Variants in AFF3 observed in about 807,000 individuals in gnomAD.
AFF3 encodes ALF transcription elongation factor 3.
A neutral mutation model predicts 129.7 loss-of-function variants in AFF3; 32 were observed. That is an observed-to-expected ratio of 0.25 (90% CI 0.19 to 0.33). The LOEUF (loss-of-function observed/expected upper bound fraction) is 0.33. AFF3 is among the 10% of genes least tolerant of loss of function. The pLI is 1.00. For missense variants in AFF3, 1,373 were observed against 1,592.0 expected, an observed-to-expected ratio of 0.86 and a Z score of 2.34; for synonymous variants, 644 against 635.4, an observed-to-expected ratio of 1.01 and a Z score of -0.20.
Position 100,006,634 on chromosome 2 carries a change from C to G in AFF3, c.871G>C (p.Glu291Gln), listed in dbSNP as rs1461370471. The G allele has an allele frequency of 6.2e-7, 1 of 1,604,454 alleles. No homozygotes were observed. The highest frequency in any genetic ancestry group is 1.7e-5 in the Admixed American group (1 of 59,826). Residue 291 changes from glutamate to glutamine, a missense_variant and splice_region_variant, in exon 7 of 25, where the codon GAG becomes CAG. Glu to Gln is a conservative substitution (Grantham distance 29). Coordinates refer to ENST00000672756, the MANE Select transcript of AFF3 (RefSeq NM_001386135.1). ...LSKFSIPKQG[E>Q]ESRSGETNSC... is the part of the protein sequence containing the mutation. Reference sequence around the variant, plus strand: ...GAACGGTGCTGATAAAGACTCACCTCCCCCTGCTTGGGGATGCTGAACTTG... The same window carrying G: ...GAACGGTGCTGATAAAGACTCACCTGCCCCTGCTTGGGGATGCTGAACTTG...
chr2:99,837,891 G>A (rs1032995929), intron 7 of AFF3, among the ~76,000 whole-genome samples: 2 of 152,174 alleles, frequency 1.3e-5, no homozygotes, highest in Non-Finnish European at 2.9e-5. Flanking sequence ...CTACAACAGT[G>A]GATCCAATTT....
At chr2:100,136,203 G>A (rs1251615917) in intron 1 of AFF3, among the ~76,000 whole-genome samples, 2 of 152,200 alleles carry the variant, frequency 1.3e-5, no homozygotes, top group Admixed American at 6.5e-5. Flanking sequence ...GCTGGGAGAT[G>A]TAAGTTTGGG....
chr2:100,127,030 G>C (rs6732141), intron 2 of AFF3, among the ~76,000 whole-genome samples: 86,393 of 151,986 alleles, frequency 0.57, 25,465 homozygotes, highest in African/African-American at 0.71. Context: ...ATTGGCAGTT[G>C]CGGGTGGTGG....
chr2:99,947,605 T>A (rs12620320), intron 7 of AFF3, among the ~76,000 whole-genome samples: 9,591 of 41,130 alleles, frequency 0.23, 376 homozygotes, highest in African/African-American at 0.33. Context: ...GAAAGAAAGA[T>A]AGATAGATAG....
chr2:99,922,723 G>A (rs182192541), intron 7 of AFF3, among the ~76,000 whole-genome samples: 12 of 152,254 alleles, frequency 7.9e-5, no homozygotes, highest in African/African-American at 2.4e-4. Flanking sequence ...AAGTAATACC[G>A]TTTTCAAGAA....
chr2:99,897,351 T>C (rs567516525), intron 7 of AFF3, among the ~76,000 whole-genome samples: 1 of 152,216 alleles, frequency 6.6e-6, no homozygotes, highest in East Asian at 1.9e-4. Context: ...CTGGCTCCCA[T>C]TCTCTCCCCC....
chr2:99,739,216 G>C (rs898356363), intron 10 of AFF3, among the ~76,000 whole-genome samples: 6 of 151,828 alleles, frequency 4.0e-5, no homozygotes, highest in African/African-American at 9.7e-5. Context: ...TCTTTCCTGG[G>C]GCTCCTGGGG....
intron 2 of AFF3, among the ~76,000 whole-genome samples, chr2:100,125,677 C>T (rs1390706284): frequency 6.6e-6 from 1 of 151,786 alleles, no homozygotes; most frequent in Non-Finnish European, 1.5e-5. Flanking sequence ...ATGAGGCATG[C>T]TGTAAAGGGG....
chr2:99,988,304 A>T (rs1395724138), intron 7 of AFF3, among the ~76,000 whole-genome samples: 1 of 152,166 alleles, frequency 6.6e-6, no homozygotes, highest in Non-Finnish European at 1.5e-5. Flanking sequence ...GGGTGAGTAG[A>T]TGCATATTTC....
At chr2:99,835,861 C>T (rs1016030395) in intron 8 of AFF3, among the ~76,000 whole-genome samples, 6 of 152,126 alleles carry the variant, frequency 3.9e-5, no homozygotes, top group Non-Finnish European at 7.4e-5. Context: ...AGTGTTGTGG[C>T]ACAGGTGCAG....
At chr2:99,800,022 G>C (rs1685819616) in intron 8 of AFF3, among the ~76,000 whole-genome samples, 1 of 152,008 alleles carries the variant, frequency 6.6e-6, no homozygotes, top group African/African-American at 2.4e-5. Context: ...ATTATACCAA[G>C]ATTTCTTAGC....
intron 7 of AFF3, among the ~76,000 whole-genome samples, chr2:99,995,134 AG>A (rs1287716047): frequency 6.6e-6 from 1 of 152,212 alleles, no homozygotes; most frequent in African/African-American, 2.4e-5. Flanking sequence ...GACTTGCACT[AG>A]GTCTTGAAGG....
intron 7 of AFF3, among the ~76,000 whole-genome samples, chr2:99,878,772 G>T (rs186021278): frequency 9.2e-5 from 14 of 152,272 alleles, no homozygotes; most frequent in Admixed American, 8.5e-4. Flanking sequence ...TTGGCTAGGG[G>T]ATTCCCAATG....
At chr2:99,847,420 CT>C (rs1226387431) in intron 7 of AFF3, among the ~76,000 whole-genome samples, 1 of 152,038 alleles carries the variant, frequency 6.6e-6, no homozygotes, top group Admixed American at 6.5e-5. Context: ...TAGTTCGTGC[CT>C]GTAATCCCAG....
intron 7 of AFF3, among the ~76,000 whole-genome samples, chr2:100,004,847 A>AC (rs1004436785): frequency 1.3e-5 from 2 of 148,900 alleles, no homozygotes; most frequent in African/African-American, 2.5e-5. Flanking sequence ...TAAACACTGC[A>AC]CCCCCCTTCA....
intron 17 of AFF3, among the ~76,000 whole-genome samples, chr2:99,580,166 C>T (rs1394408591): frequency 6.6e-6 from 1 of 152,206 alleles, no homozygotes; most frequent in Non-Finnish European, 1.5e-5. Context: ...GACCTCTGCA[C>T]TTGCTGCTTC....
chr2:99,953,872 C>T (rs1676389845), intron 7 of AFF3, among the ~76,000 whole-genome samples: 1 of 152,180 alleles, frequency 6.6e-6, no homozygotes, highest in Non-Finnish European at 1.5e-5. Flanking sequence ...CTCCACATCG[C>T]CAGGCTTCTC....
At chr2:100,027,581 C>T (rs750024756) in intron 4 of AFF3, among the ~76,000 whole-genome samples, 1 of 152,212 alleles carries the variant, frequency 6.6e-6, no homozygotes, top group Admixed American at 6.5e-5. Flanking sequence ...CCTTATTCAT[C>T]CCCCTAACCA....
At chr2:99,818,301 A>G (rs1007435013) in intron 8 of AFF3, among the ~76,000 whole-genome samples, 2 of 152,236 alleles carry the variant, frequency 1.3e-5, no homozygotes, top group East Asian at 3.8e-4. Context: ...TCAAATCATT[A>G]AAGTACTTAT....
Sources: gnomAD v4.1 joint callset for allele counts (sites outside exome capture counted in the v4.1 genomes callset) on GRCh38, gnomAD v4.1.1 for gene constraint, MANE v1.5 for transcripts, NCBI Gene and HGNC (gene_info 2026-07-23, HGNC 2026-07-21) for gene names.